DLGAP1: variants seen among roughly 807,000 people sequenced by gnomAD.
DLGAP1 encodes disks large-associated protein 1.
A neutral mutation model predicts 90.8 loss-of-function variants in DLGAP1; 11 were observed. The observed-to-expected ratio is 0.12, with a 90% confidence interval of 0.08 to 0.20. DLGAP1 has a LOEUF of 0.20. DLGAP1 is among the 10% of genes least tolerant of loss of function. The pLI is 1.00. For missense variants in DLGAP1, 1,050 were observed against 1,333.8 expected (o/e 0.79, Z 3.31); for synonymous variants, 558 against 540.7 (o/e 1.03, Z -0.44).
At chr18:4,033,809 G>A (rs997847976) in intron 2 of DLGAP1, among the ~76,000 whole-genome samples, 54 of 149,460 alleles carry the variant, frequency 3.6e-4, no homozygotes, top group African/African-American at 1.3e-3. Context: ...GTGCAATCTC[G>A]GCTCACTGCA....
chr18:3,995,367 T>C (rs1257367500), intron 3 of DLGAP1: 1 of 152,192 alleles, frequency 6.6e-6, no homozygotes, highest in African/African-American at 2.4e-5. Flanking sequence ...CTAAATATTA[T>C]ACTGGCACTT....
chr18:3,918,054 T>C lies in DLGAP1; in HGVS notation c.-72-37914A>G, dbSNP rs147153162. ...AAAGGAATCAGTTTTACAAGTTTCC[T>C]TAAATCTGACAATGAACTAGAGGAT... On this transcript the variant is annotated intron_variant, in intron 3 of 12. Coordinates refer to ENST00000315677, the MANE Select transcript of DLGAP1 (RefSeq NM_004746.4). Among the ~76,000 whole-genome samples, 192 of 152,318 alleles carry C rather than the reference T, an allele frequency of 1.3e-3. 2 individuals carry two copies. The highest frequency in any genetic ancestry group is 4.5e-3 in the African/African-American group (187 of 41,562).
intron 6 of DLGAP1, among the ~76,000 whole-genome samples, chr18:3,740,662 T>C (rs1393392485): frequency 1.3e-5 from 2 of 152,158 alleles, no homozygotes; most frequent in East Asian, 1.9e-4. Context: ...TTTTTCTGAA[T>C]ACCTTGTTTT....
chr18:4,337,192 G>GCT (rs1033398750), intron 1 of DLGAP1, among the ~76,000 whole-genome samples: 28 of 103,180 alleles, frequency 2.7e-4, no homozygotes, highest in Admixed American at 1.4e-3. Context: ...CCAATAGTTG[G>GCT]CTTTTTTTTT....
chr18:4,402,194 A>T (rs938918847), intron 1 of DLGAP1, among the ~76,000 whole-genome samples: 1 of 152,218 alleles, frequency 6.6e-6, no homozygotes, highest in African/African-American at 2.4e-5. Flanking sequence ...CCTAATCAGA[A>T]GTCAATGTCT....
chr18:4,321,998 G>C (rs529385258), intron 1 of DLGAP1, among the ~76,000 whole-genome samples: 78 of 151,976 alleles, frequency 5.1e-4, no homozygotes, highest in African/African-American at 1.6e-3. Flanking sequence ...TCAGGAGTTC[G>C]AGACCAGCCT....
At chr18:4,051,604 T>C (rs1158467638) in intron 2 of DLGAP1, among the ~76,000 whole-genome samples, 1 of 152,168 alleles carries the variant, frequency 6.6e-6, no homozygotes, top group Non-Finnish European at 1.5e-5. Flanking sequence ...GAGATTTGGG[T>C]GGAGACACAG....
chr18:3,629,084 A>G (rs1328288808), intron 7 of DLGAP1, among the ~76,000 whole-genome samples: 1 of 152,230 alleles, frequency 6.6e-6, no homozygotes, highest in East Asian at 1.9e-4. Context: ...ACAGTGCATG[A>G]GAATTCCTAT....
chr18:3,538,482 G>A (rs138350442), intron 9 of DLGAP1, among the ~76,000 whole-genome samples: 148 of 152,144 alleles, frequency 9.7e-4, no homozygotes, highest in African/African-American at 2.5e-3. Flanking sequence ...ACAATTTTGC[G>A]AAAGTGGTTC....
intron 2 of DLGAP1, among the ~76,000 whole-genome samples, chr18:4,046,659 G>A (rs997742415): frequency 1.3e-5 from 2 of 152,202 alleles, no homozygotes; most frequent in Non-Finnish European, 2.9e-5. Flanking sequence ...GTTCTCAATA[G>A]ATGTTTTTTG....
At chr18:4,453,153 T>C (rs1004685651) in intron 1 of DLGAP1, among the ~76,000 whole-genome samples, 1 of 152,190 alleles carries the variant, frequency 6.6e-6, no homozygotes, top group African/African-American at 2.4e-5. Context: ...CTGAAACAAC[T>C]TTACATTTAA....
At chr18:3,870,532 T>C (rs938135833) in intron 4 of DLGAP1, among the ~76,000 whole-genome samples, 2 of 152,182 alleles carry the variant, frequency 1.3e-5, no homozygotes, top group African/African-American at 4.8e-5. Context: ...ATTTAATATA[T>C]TTGGTCCCAT....
At chr18:3,758,541 G>A (rs527982851) in intron 5 of DLGAP1, among the ~76,000 whole-genome samples, 8 of 152,210 alleles carry the variant, frequency 5.3e-5, no homozygotes, top group East Asian at 1.9e-4. Context: ...TAATGCCTGC[G>A]CTCCAAATGA....
intron 6 of DLGAP1, among the ~76,000 whole-genome samples, chr18:3,741,773 GA>G (rs2063059060): frequency 6.6e-6 from 1 of 152,036 alleles, no homozygotes; most frequent in African/African-American, 2.4e-5. Flanking sequence ...TTTTTTGCCA[GA>G]TTAGTTATCC....
chr18:4,055,466 T>C (rs986717868), intron 2 of DLGAP1, among the ~76,000 whole-genome samples: 4 of 152,310 alleles, frequency 2.6e-5, no homozygotes, highest in African/African-American at 9.6e-5. Context: ...CCCGGTGTCG[T>C]CTGTTGTTCT....
intron 2 of DLGAP1, among the ~76,000 whole-genome samples, chr18:4,111,044 G>A (rs1002875022): frequency 1.3e-5 from 2 of 152,094 alleles, no homozygotes; most frequent in Non-Finnish European, 1.5e-5. Context: ...GATATTAGCC[G>A]TGGTTTTTTT....
At chr18:3,563,733 T>A (rs1455142307) in intron 9 of DLGAP1, among the ~76,000 whole-genome samples, 1 of 152,168 alleles carries the variant, frequency 6.6e-6, no homozygotes, top group Non-Finnish European at 1.5e-5. Context: ...CCTCCCAAAG[T>A]GCTGGGATTA....
Position 3,955,646 on chromosome 18 carries a change from A to G in DLGAP1, c.-73+49470T>C, listed in dbSNP as rs374294513. On this transcript the variant is annotated intron_variant, in intron 3 of 12. Coordinates refer to ENST00000315677, the MANE Select transcript of DLGAP1 (RefSeq NM_004746.4). ...GGAGAATCACTTGAACCCAGGAGGT[A>G]GAGGTTGTGGTGAGCCGAGATCGTG... Among the ~76,000 whole-genome samples the G allele has an allele frequency of 1.3e-3, 203 of 152,134 alleles. 3 individuals carry two copies. In the South Asian group the frequency reaches 0.019, roughly 14 times the overall value.
intron 7 of DLGAP1, among the ~76,000 whole-genome samples, chr18:3,619,403 C>A (rs970963754): frequency 6.6e-6 from 1 of 152,154 alleles, no homozygotes; most frequent in Non-Finnish European, 1.5e-5. Flanking sequence ...TGGGCAGGGG[C>A]GCTGCTGACC....
Sources: allele counts gnomAD v4.1 joint callset (sites outside exome capture counted in the v4.1 genomes callset), GRCh38; gene constraint gnomAD v4.1.1; transcripts MANE v1.5; gene names NCBI Gene and HGNC (gene_info 2026-07-23, HGNC 2026-07-21).